Variants in ZNF384 observed in about 807,000 individuals in gnomAD.
The protein encoded by ZNF384 is zinc finger protein 384, also known as CAG repeat protein 1.
Under a neutral mutation model 65.0 loss-of-function variants are expected in ZNF384, and 20 were observed. The observed-to-expected ratio is 0.31, with a 90% CI of 0.22 to 0.45. The LOEUF (loss-of-function observed/expected upper bound fraction) is 0.45, where lower values mean the gene tolerates loss of function less well. Ranked by LOEUF, ZNF384 falls within the 20% of genes least tolerant of loss-of-function variation. The probability of loss-of-function intolerance (pLI) is 1.00; values close to 1 mark genes in which losing one functional copy is unlikely to be tolerated. For missense variants in ZNF384, 549 were observed against 769.4 expected (o/e 0.71, Z 3.39); for synonymous variants, 310 against 303.9 (o/e 1.02, Z -0.21).
intron 10 of ZNF384, among the ~76,000 whole-genome samples, chr12:6,670,543 GTTCT>G (rs1324983971): frequency 6.6e-6 from 1 of 152,150 alleles, no homozygotes; most frequent in Non-Finnish European, 1.5e-5. Flanking sequence ...GTTTATTTTT[GTTCT>G]TTCTAAACAG....
chr12:6,672,218 A>T lies in ZNF384; in HGVS notation c.1187+132T>A, dbSNP rs1418959981. ...TGTTGTTTGGTCTTCCTTCTCCCAG[A>T]TGCCAGCCAGGTCTCTCCTCCAGCC... On this transcript the variant is annotated intron_variant, in intron 9 of 11. Coordinates refer to ENST00000683879, the MANE Select transcript of ZNF384 (RefSeq NM_001385745.1). The surrounding 1 kb of genome is among the most constrained non-coding windows in gnomAD (Gnocchi z 4.4). The T allele has an allele frequency of 8.2e-6, 8 of 970,660 alleles. No homozygotes were observed. Among genetic ancestry groups the T allele is most frequent in the Non-Finnish European group, 1.2e-5 (8 of 671,058 alleles). 60.1% of individuals were successfully genotyped at this position (970,660 alleles called of 1,614,324 possible).
intron 6 of ZNF384, among the ~76,000 whole-genome samples, chr12:6,677,505 T>C (rs1361913729): frequency 6.6e-6 from 1 of 152,206 alleles, no homozygotes; most frequent in Admixed American, 6.5e-5. Context: ...GAGTATCACA[T>C]GCAAATACGC....
At chr12:6,681,896 A>G (rs1470968609) in intron 2 of ZNF384, among the ~76,000 whole-genome samples, 1 of 152,192 alleles carries the variant, frequency 6.6e-6, no homozygotes, top group Non-Finnish European at 1.5e-5. Context: ...ATGACCAAAG[A>G]TCAAGTATAC....
At position 6,672,257 on chromosome 12, in the gene ZNF384, GC is replaced by G; in HGVS notation, c.1187+92del. The G allele has an allele frequency of 1.4e-6, 2 of 1,382,070 alleles. No homozygotes were observed. Among genetic ancestry groups the G allele is most frequent in the Non-Finnish European group, 2.0e-6 (2 of 1,024,502 alleles). 85.6% of individuals were successfully genotyped at this position (1,382,070 alleles called of 1,614,324 possible). ...TCTCCTCCAGCCAGGTCTCTCCCCC[GC>G]CCCCCGCATGCGGGTTGTTGTGTGT... On this transcript the variant is annotated intron_variant, in intron 9 of 11. Coordinates refer to ENST00000683879, the MANE Select transcript of ZNF384 (RefSeq NM_001385745.1). This position sits in a 1 kb window ranked among gnomAD's most constrained non-coding sequence, Gnocchi z 4.4.
At chr12:6,685,187 G>A (rs1349562246) in intron 2 of ZNF384, among the ~76,000 whole-genome samples, 1 of 152,116 alleles carries the variant, frequency 6.6e-6, no homozygotes, top group Non-Finnish European at 1.5e-5. Context: ...GCCGGGCATG[G>A]TGGCTCACAC....
intron 10 of ZNF384, among the ~76,000 whole-genome samples, chr12:6,670,477 C>A (rs1200594813): frequency 6.6e-6 from 1 of 152,172 alleles, no homozygotes; most frequent in Non-Finnish European, 1.5e-5. Context: ...CCATTCTTCT[C>A]ACTCAGTTGT....
In ZNF384 at chr12:6,678,204, C is replaced by T; in HGVS notation, c.609G>A (p.Gly203=). 6.2e-7 allele frequency: 1 copy of T among 1,614,172 alleles called. No homozygotes were observed. The highest frequency in any genetic ancestry group is 1.3e-5 in the African/African-American group (1 of 75,038). ...GRKKKRMLES[G]LPEMNDPYVL... is the part of the protein sequence containing the mutation. Reference sequence around the variant, plus strand: ...CATAAGGGTCATTCATCTCGGGCAGCCCTGATTCCAGCATCCGCTTCTTCT... The same window carrying T: ...CATAAGGGTCATTCATCTCGGGCAGTCCTGATTCCAGCATCCGCTTCTTCT... The change falls in exon 6 of 12, where the codon GGG becomes GGA. Residue 203 remains glycine (G), a synonymous_variant. Coordinates refer to ENST00000683879, the MANE Select transcript of ZNF384 (RefSeq NM_001385745.1). The surrounding 1 kb of genome is among the most constrained non-coding windows in gnomAD (Gnocchi z 4.9).
chr12:6,680,118 T>C (rs1349376670), intron 2 of ZNF384, among the ~76,000 whole-genome samples: 1 of 152,214 alleles, frequency 6.6e-6, no homozygotes, highest in Non-Finnish European at 1.5e-5. Flanking sequence ...TGTGACACTA[T>C]GCCAGACTAA....
At position 6,667,938 on chromosome 12, in the gene ZNF384, G is replaced by A. The variant is rs1446566328; in HGVS notation, c.1603C>T (p.Gln535Ter). 1.9e-6 allele frequency: 3 copies of A among 1,608,594 alleles called. No individual in the cohort carries two copies. The highest frequency in any genetic ancestry group is 1.7e-5 in the Admixed American group (1 of 57,952). Residue 535 changes from glutamine to a stop codon, truncating the protein, a stop_gained, in exon 12 of 12, where the codon CAG (glutamine) becomes TAG (stop). Coordinates refer to ENST00000683879, the MANE Select transcript of ZNF384 (RefSeq NM_001385745.1). LOFTEE classifies it high-confidence loss of function. The stretch of plus-strand genomic sequence containing the variant: ...TGCTGCTGCTGCTGCTGCTGCTGCT[G>A]CTGCTGCTGTGATGCCTGGGAGGCC... ...AQASQASQQQ[Q>*]QQQQQQQQQQ...
At chr12:6,687,272 A>G (rs1392813901) in intron 2 of ZNF384, among the ~76,000 whole-genome samples, 1 of 152,174 alleles carries the variant, frequency 6.6e-6, no homozygotes, top group Non-Finnish European at 1.5e-5. Context: ...CACAGCTGGC[A>G]ACCTGGGCCA....
chr12:6,667,949 G>A lies in ZNF384; in HGVS notation c.1592C>T (p.Ser531Leu). 1.2e-6 allele frequency: 2 copies of A among 1,608,300 alleles called. No homozygotes were observed. Among genetic ancestry groups the A allele is most frequent in the East Asian group, 2.2e-5 (1 of 44,788 alleles). Residue 531 changes from serine to leucine, a missense_variant, in exon 12 of 12, where the codon TCA becomes TTA. Physicochemically the swap from Ser to Leu is moderately radical, Grantham distance 145 (BLOSUM62 -2). Transcript: ENST00000683879. ...AQAQAQASQA[S>L]QQQQQQQQQQ... The stretch of plus-strand genomic sequence containing the variant: ...CTGCTGCTGCTGCTGCTGCTGCTGT[G>A]ATGCCTGGGAGGCCTGGGCCTGGGC...
chr12:6,679,342 T>G lies in ZNF384; in HGVS notation c.66+113A>C, dbSNP rs1954982434. 6 of 1,247,114 alleles carry G rather than the reference T, an allele frequency of 4.8e-6. No individual in the cohort carries two copies. In the East Asian group the frequency reaches 1.4e-4, roughly 29 times the overall value. The allele number at this position is 1,247,114 out of a possible 1,614,324, so 77.3% of individuals were successfully genotyped here. A position where few individuals can be genotyped will look rare whatever the true frequency, so the allele number is the denominator to read the frequency against. On this transcript the variant is annotated intron_variant, in intron 3 of 11. Coordinates refer to ENST00000683879, the MANE Select transcript of ZNF384 (RefSeq NM_001385745.1). ...GAGAAGCCCAGGCAGAAACACTAGA[T>G]AATTCTCAGGGGTGGGGGACCCAGT...
chr12:6,684,302 T>G (rs895041438), intron 2 of ZNF384, among the ~76,000 whole-genome samples: 1 of 152,210 alleles, frequency 6.6e-6, no homozygotes, highest in Non-Finnish European at 1.5e-5. Flanking sequence ...ACACACTTTC[T>G]GATGTTATGG....
At position 6,670,167 on chromosome 12, in the gene ZNF384, C is replaced by T. The variant is rs75424133; in HGVS notation, c.1266+593G>A. Among the ~76,000 whole-genome samples, 582 of 152,300 alleles carry T rather than the reference C, an allele frequency of 3.8e-3. 3 individuals carry two copies. Among genetic ancestry groups the T allele is most frequent in the African/African-American group, 0.014 (562 of 41,572 alleles). On this transcript the variant is annotated intron_variant, in intron 10 of 11. Transcript: ENST00000683879. ...CCTGTGCCAGGTGCGGTGACTCATG[C>T]TTGCAATCCTAGCACTTTGGGGAGG... is the stretch of plus-strand genomic sequence containing the variant.
At chr12:6,668,949 A>G in intron 11 of ZNF384, 82 bp downstream of exon 11, 1 of 1,452,376 alleles carries the variant, frequency 6.9e-7, no homozygotes, top group East Asian at 2.4e-5. Context: ...TCACTGCAAC[A>G]GATCTCTACC....
In ZNF384 at chr12:6,667,387, A is replaced by C; in HGVS notation, c.*327T>G. The C allele has an allele frequency of 2.1e-6, 1 of 482,306 alleles. No individual in the cohort carries two copies. The highest frequency in any genetic ancestry group is 3.8e-6 in the Non-Finnish European group (1 of 262,002). The allele number at this position is 482,306 out of a possible 1,614,324, so 29.9% of individuals were successfully genotyped here. On this transcript the variant is annotated 3_prime_UTR_variant, in exon 12 of 12. Transcript: ENST00000683879. ...GGATAAGGAGGGTAAGGATAGGGTA[A>C]GTGGCCACACTGGACAAGGTTCTAT...
chr12:6,684,016 C>CA (rs113464138), intron 2 of ZNF384, among the ~76,000 whole-genome samples: 5,261 of 142,314 alleles, frequency 0.037, 100 homozygotes, highest in Admixed American at 0.05. Flanking sequence ...GAATCCGTCT[C>CA]AAAAAAAAAA....
At position 6,667,754 on chromosome 12, in the gene ZNF384, G is replaced by T. The variant is rs1334195614; in HGVS notation, c.1787C>A (p.Thr596Asn). Residue 596 changes from threonine to asparagine, a missense_variant, in exon 12 of 12, where the codon ACC (threonine) becomes AAC (asparagine). Transcript: ENST00000683879. ...GTGCTCCACCTGGATGGTGCTGGTG[G>T]TGACAGTGAGGCAGATGTCCTTATG... ...EHHKDICLTV[T>N]TSTIQVEHLA... 6.2e-7 allele frequency: 1 copy of T among 1,614,186 alleles called. No homozygotes were observed. Among genetic ancestry groups the T allele is most frequent in the Non-Finnish European group, 8.5e-7 (1 of 1,180,038 alleles).
In ZNF384 at chr12:6,667,227, A is replaced by G. The variant is rs987665201; in HGVS notation, c.*487T>C. Reference sequence around the variant, plus strand: ...CGATGTAGGGGAAGAAATGGCTCTCAGGGACTGAGGCATTTGAGAAACCTC... The same window carrying G: ...CGATGTAGGGGAAGAAATGGCTCTCGGGGACTGAGGCATTTGAGAAACCTC... On this transcript the variant is annotated 3_prime_UTR_variant, in exon 12 of 12. Coordinates refer to ENST00000683879, the MANE Select transcript of ZNF384 (RefSeq NM_001385745.1). 2.1e-5 allele frequency: 6 copies of G among 291,370 alleles called. No individual in the cohort carries two copies. The highest frequency in any genetic ancestry group is 1.1e-4 in the African/African-American group (5 of 47,296). The allele number at this position is 291,370 out of a possible 1,614,324, so 18.0% of individuals were successfully genotyped here. A position where few individuals can be genotyped will look rare whatever the true frequency, so the allele number is the denominator to read the frequency against.
Sources: gnomAD v4.1 joint callset for allele counts (sites outside exome capture counted in the v4.1 genomes callset) on GRCh38, gnomAD v4.1.1 for gene constraint, Gnocchi (gnomAD v3.1) non-coding constraint, MANE v1.5 for transcripts, NCBI Gene and HGNC (gene_info 2026-07-23, HGNC 2026-07-21) for gene names.